Variants in MCTP1 observed in about 807,000 individuals in gnomAD.
MCTP1 encodes the protein multiple C2 and transmembrane domain-containing protein 1.
A neutral mutation model predicts 120.6 loss-of-function variants in MCTP1; 69 were observed. The ratio of observed to expected loss-of-function variants is 0.57; its 90% CI spans 0.47 to 0.70. The LOEUF is 0.70. MCTP1 is among the 30% of genes least tolerant of loss of function. The probability of loss-of-function intolerance (pLI) is 0.00; values close to 1 mark genes in which losing one functional copy is unlikely to be tolerated. For missense variants in MCTP1, 1,203 were observed against 1,248.8 expected, an observed-to-expected ratio of 0.96 and a Z score of 0.55; for synonymous variants, 529 against 493.1, an observed-to-expected ratio of 1.07 and a Z score of -0.96.
chr5:95,200,540 A>G (rs1750893140), intron 1 of MCTP1, among the ~76,000 whole-genome samples: 1 of 152,216 alleles, frequency 6.6e-6, no homozygotes, highest in Admixed American at 6.5e-5. Context: ...CACTTGTGTT[A>G]TTTGCAACAA....
intron 1 of MCTP1, among the ~76,000 whole-genome samples, chr5:95,172,297 T>G (rs1165092484): frequency 6.6e-6 from 1 of 152,214 alleles, no homozygotes; most frequent in Admixed American, 6.5e-5. Flanking sequence ...CCTGGCCGTG[T>G]GAGGTGTCAG....
intron 1 of MCTP1, among the ~76,000 whole-genome samples, chr5:95,253,170 AG>A (rs1757538931): frequency 6.6e-6 from 1 of 152,198 alleles, no homozygotes; most frequent in Admixed American, 6.5e-5. Context: ...AGAATATGCA[AG>A]AGGATAAAAT....
chr5:95,217,179 T>G (rs1753134531), intron 1 of MCTP1, among the ~76,000 whole-genome samples: 1 of 152,254 alleles, frequency 6.6e-6, no homozygotes, highest in Non-Finnish European at 1.5e-5. Context: ...TTTCCTAGTA[T>G]TGTTTCCAAA....
chr5:94,861,645 C>T (rs1247334825), intron 17 of MCTP1, among the ~76,000 whole-genome samples: 1 of 151,730 alleles, frequency 6.6e-6, no homozygotes, highest in Non-Finnish European at 1.5e-5. Context: ...TGGAATATGG[C>T]TTGCCAATTT....
chr5:94,818,670 G>C (rs1301299303), intron 17 of MCTP1, among the ~76,000 whole-genome samples: 8 of 152,316 alleles, frequency 5.3e-5, no homozygotes, highest in East Asian at 3.9e-4. Context: ...CTGCAACCAT[G>C]TGGTAGAAAC....
intron 1 of MCTP1, among the ~76,000 whole-genome samples, chr5:95,240,083 A>G (rs1212749147): frequency 2.6e-5 from 4 of 152,204 alleles, no homozygotes; most frequent in South Asian, 2.1e-4. Flanking sequence ...TTATTTACAT[A>G]CAAATTTCAT....
intron 3 of MCTP1, among the ~76,000 whole-genome samples, chr5:94,947,774 T>A (rs1463358140): frequency 1.3e-5 from 2 of 149,454 alleles, no homozygotes; most frequent in East Asian, 3.9e-4. Context: ...TGCCACCATG[T>A]CTGGCTTTAA....
chr5:95,247,228 G>A (rs1289957847), intron 1 of MCTP1, among the ~76,000 whole-genome samples: 2 of 152,010 alleles, frequency 1.3e-5, no homozygotes, highest in Non-Finnish European at 2.9e-5. Flanking sequence ...CTGTGGGATC[G>A]GTGGTGATGT....
rs1754139969 is a variant in MCTP1 at position 94,704,701 on chromosome 5, A to G, written c.*2795T>C. On this transcript the variant is annotated 3_prime_UTR_variant, in exon 23 of 23. Transcript: ENST00000515393. ...ACCGTTGTCTATAACAGGGTCATAC[A>G]GTTGGTATTCGATAAATATATCACA... is the stretch of plus-strand genomic sequence containing the variant. 1 of 151,242 alleles carries G rather than the reference A, an allele frequency of 6.6e-6. No individual in the cohort carries two copies. Among genetic ancestry groups the G allele is most frequent in the African/African-American group, 2.4e-5 (1 of 41,328 alleles). 9.4% of individuals were successfully genotyped at this position (151,242 alleles called of 1,614,324 possible).
intron 1 of MCTP1, among the ~76,000 whole-genome samples, chr5:95,022,675 CT>C (rs1838426007): frequency 6.6e-6 from 1 of 152,204 alleles, no homozygotes; most frequent in African/African-American, 2.4e-5. Context: ...TGTTCTCTCT[CT>C]TCTCCTACAC....
intron 2 of MCTP1, among the ~76,000 whole-genome samples, chr5:95,012,280 C>A (rs1836154582): frequency 6.6e-6 from 1 of 152,144 alleles, no homozygotes; most frequent in Non-Finnish European, 1.5e-5. Flanking sequence ...CAATGAGAAT[C>A]ATGACTGTCA....
chr5:94,903,636 C>T (rs1290229239), intron 10 of MCTP1, among the ~76,000 whole-genome samples: 2 of 152,152 alleles, frequency 1.3e-5, no homozygotes, highest in Non-Finnish European at 1.5e-5. Context: ...TTGACTCAAG[C>T]GTACATTGGT....
intron 20 of MCTP1, among the ~76,000 whole-genome samples, chr5:94,711,169 T>C (rs1006817603): frequency 6.6e-6 from 1 of 152,090 alleles, no homozygotes; most frequent in African/African-American, 2.4e-5. Flanking sequence ...CTTCAGAGTC[T>C]AAAGCCATTG....
intron 17 of MCTP1, among the ~76,000 whole-genome samples, chr5:94,848,702 C>A (rs547415450): frequency 1.1e-4 from 16 of 152,058 alleles, no homozygotes; most frequent in African/African-American, 3.6e-4. Flanking sequence ...CATACAATTT[C>A]TTGAACTGTG....
chr5:94,738,217 A>G (rs1764709916), intron 19 of MCTP1, among the ~76,000 whole-genome samples: 1 of 152,194 alleles, frequency 6.6e-6, no homozygotes, highest in Non-Finnish European at 1.5e-5. Flanking sequence ...TTGGCAGAAT[A>G]ATATCTTTTG....
chr5:95,124,867 T>C (rs1267005760), intron 1 of MCTP1, among the ~76,000 whole-genome samples: 1 of 152,218 alleles, frequency 6.6e-6, no homozygotes, highest in Admixed American at 6.5e-5. Flanking sequence ...CTGAGGACTT[T>C]CATCTTCTGC....
At chr5:94,796,073 A>G (rs1455908157) in intron 18 of MCTP1, among the ~76,000 whole-genome samples, 2 of 152,232 alleles carry the variant, frequency 1.3e-5, no homozygotes, top group Non-Finnish European at 2.9e-5. Context: ...TAGCCAATAC[A>G]TTGAAGACAG....
At chr5:95,027,008 T>C (rs1470587027) in intron 1 of MCTP1, among the ~76,000 whole-genome samples, 1 of 152,164 alleles carries the variant, frequency 6.6e-6, no homozygotes, top group Non-Finnish European at 1.5e-5. Context: ...ACCTGTACAG[T>C]GAAATATCCA....
chr5:95,266,626 A>G (rs1186811452), intron 1 of MCTP1, among the ~76,000 whole-genome samples: 2 of 152,242 alleles, frequency 1.3e-5, no homozygotes, highest in Non-Finnish European at 2.9e-5. Context: ...GATACCCTTT[A>G]GACTTGGGCA....
Sources: allele counts gnomAD v4.1 joint callset (sites outside exome capture counted in the v4.1 genomes callset), GRCh38; gene constraint gnomAD v4.1.1; transcripts MANE v1.5; gene names NCBI Gene and HGNC (gene_info 2026-07-23, HGNC 2026-07-21).